The following TRAK1 variants were observed in gnomAD, a reference collection of about 807,000 sequenced individuals.
The protein encoded by TRAK1 is trafficking kinesin protein 1, also known as trafficking kinesin-binding protein 1.
Under a neutral mutation model 92.1 loss-of-function variants are expected in TRAK1, and 33 were observed. The observed-to-expected ratio is 0.36, with a 90% confidence interval of 0.27 to 0.48. TRAK1 has a LOEUF of 0.48. TRAK1 is among the 20% of genes least tolerant of loss of function. TRAK1 has a pLI of 0.99. For synonymous variants in TRAK1, 521 were observed against 517.3 expected, an observed-to-expected ratio of 1.01 and a Z score of -0.10; for missense variants, 1,123 against 1,257.9, an observed-to-expected ratio of 0.89 and a Z score of 1.62.
chr3:42,044,251 G>C (rs9836286), intron 1 of TRAK1, among the ~76,000 whole-genome samples: 34,139 of 152,064 alleles, frequency 0.22, 4,246 homozygotes, highest in African/African-American at 0.32. Context: ...ACCTCTGCCT[G>C]TCAGGCTCAG....
chr3:42,043,983 T>G (rs1702660481), intron 1 of TRAK1, among the ~76,000 whole-genome samples: 1 of 152,226 alleles, frequency 6.6e-6, no homozygotes, highest in African/African-American at 2.4e-5. Flanking sequence ...AAATGGGAAC[T>G]CATGTGTTTG....
intron 1 of TRAK1, among the ~76,000 whole-genome samples, chr3:42,112,337 A>T (rs1269735544): frequency 6.6e-6 from 1 of 150,434 alleles, no homozygotes; most frequent in Non-Finnish European, 1.5e-5. Flanking sequence ...CTGAGGCACA[A>T]GAATCACTTG....
chr3:42,077,406 A>G (rs1157542235), intron 1 of TRAK1, among the ~76,000 whole-genome samples: 2 of 152,156 alleles, frequency 1.3e-5, no homozygotes, highest in Non-Finnish European at 2.9e-5. Flanking sequence ...CTTTTGCCTC[A>G]GCCTCCCAAG....
At chr3:42,055,644 T>C (rs1703175653) in intron 1 of TRAK1, among the ~76,000 whole-genome samples, 1 of 152,184 alleles carries the variant, frequency 6.6e-6, no homozygotes, top group Non-Finnish European at 1.5e-5. Flanking sequence ...TTAATTTTTT[T>C]GTAAAGATGG....
At chr3:42,198,464 G>A (rs1229891447) in intron 10 of TRAK1, among the ~76,000 whole-genome samples, 2 of 152,204 alleles carry the variant, frequency 1.3e-5, no homozygotes, top group Non-Finnish European at 2.9e-5. Context: ...TTCCTGGGCA[G>A]GTTGTTTAAA....
intron 1 of TRAK1, among the ~76,000 whole-genome samples, chr3:42,067,575 C>A (rs1703729758): frequency 6.6e-6 from 1 of 151,976 alleles, no homozygotes; most frequent in Non-Finnish European, 1.5e-5. Flanking sequence ...TTCCAGTTCC[C>A]CTTTAGTGCT....
At chr3:42,030,960 A>G (rs982813445) in intron 1 of TRAK1, among the ~76,000 whole-genome samples, 1 of 151,920 alleles carries the variant, frequency 6.6e-6, no homozygotes, top group Non-Finnish European at 1.5e-5. Context: ...TAACGATTGA[A>G]CAGAGTACAA....
chr3:42,091,590 T>C (rs1370760048), intron 1 of TRAK1, 30 bp downstream of exon 1: 1 of 1,599,096 alleles, frequency 6.3e-7, no homozygotes, highest in East Asian at 2.2e-5. Flanking sequence ...CTGTCTGCTG[T>C]CTGTTTTCTT....
chr3:42,023,780 A>G (rs1259583423), intron 1 of TRAK1, among the ~76,000 whole-genome samples: 3 of 121,540 alleles, frequency 2.5e-5, no homozygotes, highest in Non-Finnish European at 4.9e-5. Context: ...TTGAGACGGA[A>G]TCTCACTCTA....
intron 2 of TRAK1, among the ~76,000 whole-genome samples, chr3:42,133,089 A>T (rs1182714076): frequency 6.6e-6 from 1 of 151,616 alleles, no homozygotes; most frequent in Admixed American, 6.6e-5. Context: ...CCCAGCTTCC[A>T]CTCTTGCTTC....
intron 1 of TRAK1, among the ~76,000 whole-genome samples, chr3:42,053,443 T>TG (rs1703070258): frequency 7.0e-6 from 1 of 141,864 alleles, no homozygotes; most frequent in African/African-American, 2.6e-5. Context: ...ATGACTGTTC[T>TG]GGGGATGGGG....
intron 1 of TRAK1, among the ~76,000 whole-genome samples, chr3:42,066,985 A>G (rs1390219152): frequency 6.6e-6 from 1 of 152,174 alleles, no homozygotes; most frequent in East Asian, 1.9e-4. Context: ...TCAATACCAC[A>G]CATTCCTAAT....
chr3:42,043,619 G>GT (rs1019605248), intron 1 of TRAK1, among the ~76,000 whole-genome samples: 13 of 151,476 alleles, frequency 8.6e-5, no homozygotes, highest in South Asian at 6.2e-4. Context: ...TGGAGCTGGG[G>GT]GGGGGGCGGG....
intron 2 of TRAK1, among the ~76,000 whole-genome samples, chr3:42,128,666 A>G (rs905621399): frequency 1.3e-5 from 2 of 152,254 alleles, no homozygotes; most frequent in African/African-American, 4.8e-5. Flanking sequence ...AGACACACAT[A>G]GGCACAGTGG....
chr3:42,123,833 AC>A, intron 1 of TRAK1, among the ~76,000 whole-genome samples: 1 of 152,174 alleles, frequency 6.6e-6, no homozygotes, highest in East Asian at 1.9e-4. Context: ...AGAACTTGGT[AC>A]TGTGACTTTG....
At chr3:42,132,989 A>T (rs528687525) in intron 2 of TRAK1, among the ~76,000 whole-genome samples, 1 of 152,276 alleles carries the variant, frequency 6.6e-6, no homozygotes, top group African/African-American at 2.4e-5. Context: ...TTCTTCCTCC[A>T]GATATATCCC....
At chr3:42,197,031 C>G (rs1559369062) in intron 10 of TRAK1, among the ~76,000 whole-genome samples, 1 of 146,650 alleles carries the variant, frequency 6.8e-6, no homozygotes, top group Admixed American at 6.7e-5. Flanking sequence ...CACACACACA[C>G]ACACACACGT....
In TRAK1 at chr3:42,092,681, TTGTTG is replaced by T. The variant is rs1553712895; in HGVS notation, c.91+1151_91+1155del. 3.4e-3 allele frequency among the ~76,000 whole-genome samples: 449 copies of T among 131,306 alleles called. 3 individuals are homozygous for T. Among genetic ancestry groups the T allele is most frequent in the Non-Finnish European group, 4.0e-3 (252 of 63,028 alleles). The allele number at this position is 131,306 out of a possible 152,430, so 86.1% of individuals were successfully genotyped here. On this transcript the variant is annotated intron_variant, in intron 1 of 15. Coordinates refer to ENST00000327628, the MANE Select transcript of TRAK1 (RefSeq NM_001042646.3). The stretch of plus-strand genomic sequence containing the variant: ...TGGCTTAGAATTTGTTCCTTTTATT[TTGTTG>T]TGTTGTGTTGTGTTGTGTTGTGTTG...
chr3:42,027,131 C>T (rs776899094), intron 1 of TRAK1, among the ~76,000 whole-genome samples: 1 of 151,938 alleles, frequency 6.6e-6, no homozygotes, highest in Non-Finnish European at 1.5e-5. Context: ...AATTAATTAC[C>T]CCATCATTTT....
Sources: allele counts gnomAD v4.1 joint callset (sites outside exome capture counted in the v4.1 genomes callset), GRCh38; gene constraint gnomAD v4.1.1; transcripts MANE v1.5; gene names NCBI Gene and HGNC (gene_info 2026-07-23, HGNC 2026-07-21).